The following ZFHX2 variants were observed in gnomAD, a reference collection of about 807,000 sequenced individuals.
The protein encoded by ZFHX2 is zinc finger homeobox protein 2.
In ZFHX2, 75 loss-of-function variants were observed where a neutral mutation model predicts 164.8. The ratio of observed to expected loss-of-function variants is 0.46; its 90% confidence interval spans 0.38 to 0.55. The LOEUF is 0.55. Among genes scored for constraint, ZFHX2 ranks in the 20% least tolerant of loss-of-function variants. ZFHX2 has a pLI of 0.00. For synonymous variants in ZFHX2, 1,217 were observed against 1,351.4 expected, an observed-to-expected ratio of 0.90 and a Z score of 2.18; for missense variants, 2,933 against 3,308.0, an observed-to-expected ratio of 0.89 and a Z score of 2.78.
intron 4 of ZFHX2, 58 bp from the exon 5 acceptor site, chr14:23,530,252 C>A: frequency 7.6e-7 from 1 of 1,314,342 alleles, no homozygotes; most frequent in Non-Finnish European, 1.1e-6. Context: ...GAAGGGAGGA[C>A]ATAGGACAGA....
Position 23,524,149 on chromosome 14 carries a change from C to T in ZFHX2, c.5793G>A (p.Pro1931=), listed in dbSNP as rs199545553. 11 of 1,535,890 alleles carry T rather than the reference C, an allele frequency of 7.2e-6. No individual in the cohort carries two copies. In the East Asian group the frequency reaches 9.8e-5, roughly 14 times the overall value. ...AGGATGCAGGGGTGGCTGTGGCAGGCGGTTTCACTGCTGGACTAGGCACCC... is the reference window on the plus strand; with the variant it reads ...AGGATGCAGGGGTGGCTGTGGCAGGTGGTTTCACTGCTGGACTAGGCACCC... ...PGGVPSPAVK[P]PATATPASLP... Residue 1931 remains proline, a synonymous_variant, in exon 9 of 10, where the codon CCG becomes CCA. Transcript: ENST00000419474. This position sits in a 1 kb window ranked among gnomAD's most constrained non-coding sequence, Gnocchi z 5.6.
chr14:23,527,639 C>T lies in ZFHX2; in HGVS notation c.3100G>A (p.Val1034Met), dbSNP rs768651118. The T allele has an allele frequency of 1.5e-5, 23 of 1,536,538 alleles. No individual in the cohort carries two copies. The South Asian group carries it at 1.5e-4, about 10-fold the overall frequency. The change falls in exon 7 of 10, where the codon GTG (valine) becomes ATG (methionine). Residue 1034 changes from valine to methionine, a missense_variant. Physicochemically the swap from Val to Met is conservative, Grantham distance 21. Coordinates refer to ENST00000419474, the MANE Select transcript of ZFHX2 (RefSeq NM_033400.3). ...LHFHLSHLHN[V>M]VPECVEKLLL... The stretch of plus-strand genomic sequence containing the variant: ...AGCTTCTCAACGCACTCGGGCACCA[C>T]GTTGTGAAGGTGGCTAAGGTGGAAG...
Position 23,529,360 on chromosome 14 carries a change from G to A in ZFHX2, c.2934+350C>T, listed in dbSNP as rs190976534. 5 of 274,126 alleles carry A rather than the reference G, an allele frequency of 1.8e-5. No homozygotes were observed. The East Asian group carries it at 3.9e-4, about 22-fold the overall frequency. 17.0% of individuals were successfully genotyped at this position (274,126 alleles called of 1,614,324 possible). ...CTTGTCTTTCTGCTCCTAACTAAGG[G>A]ATAAAGAGCTGGGCAGTAGCTGGTT... On this transcript the variant is annotated intron_variant, in intron 6 of 9. Transcript: ENST00000419474.
chr14:23,530,245 G>A (rs1489432635), intron 4 of ZFHX2, 51 bp from the exon 5 acceptor site: 8 of 1,370,156 alleles, frequency 5.8e-6, no homozygotes, highest in Non-Finnish European at 8.0e-6. Flanking sequence ...CATCAGGGAA[G>A]GGAGGACATA....
rs1038218129 is a variant in ZFHX2, at chr14:23,546,924, A to C, written c.-50+4419T>G. ...TGCCCTGGCCTTGCTTATTATAGCC[A>C]GACTGTCCTCCAGCACTCCCAGCTC... On this transcript the variant is annotated intron_variant, in intron 1 of 9. Transcript: ENST00000419474. This position sits in a 1 kb window ranked among gnomAD's most constrained non-coding sequence, Gnocchi z 4.7. Among the ~76,000 whole-genome samples, 1 of 152,144 alleles carries C rather than the reference A, an allele frequency of 6.6e-6. No individual in the cohort carries two copies. The highest frequency in any genetic ancestry group is 1.5e-5 in the Non-Finnish European group (1 of 68,000).
chr14:23,530,294 A>G, intron 4 of ZFHX2, 100 bp from the exon 5 acceptor site: 2 of 923,490 alleles, frequency 2.2e-6, no homozygotes, highest in Non-Finnish European at 3.4e-6. Context: ...TCAATGAAGG[A>G]GAAAATGGAT....
intron 3 of ZFHX2, chr14:23,531,960 C>T (rs1387156816): frequency 1.9e-5 from 7 of 365,560 alleles, no homozygotes; most frequent in Admixed American, 5.0e-5. Flanking sequence ...ATTTTTAGTA[C>T]AGATGGGGTT....
Position 23,525,941 on chromosome 14 carries a change from C to A in ZFHX2, c.4001G>T (p.Arg1334Leu). ...SPPPPPLDLH[R>L]FPAPLFTPPV... ...TGGGGTGAAGAGAGGGGCTGGGAATCGGTGCAGGTCCAAGGGAGGTGGGGG... is the reference window on the plus strand; with the variant it reads ...TGGGGTGAAGAGAGGGGCTGGGAATAGGTGCAGGTCCAAGGGAGGTGGGGG... Residue 1334 changes from arginine (R) to leucine (L), a missense_variant, in exon 9 of 10, where the codon CGA becomes CTA. Coordinates refer to ENST00000419474, the MANE Select transcript of ZFHX2 (RefSeq NM_033400.3). The surrounding 1 kb of genome is among the most constrained non-coding windows in gnomAD (Gnocchi z 5.9). The A allele has an allele frequency of 6.8e-7, 1 of 1,464,394 alleles. No homozygotes were observed. The highest frequency in any genetic ancestry group is 9.0e-7 in the Non-Finnish European group (1 of 1,112,516). 90.7% of individuals were successfully genotyped at this position (1,464,394 alleles called of 1,614,324 possible). A position where few individuals can be genotyped will look rare whatever the true frequency, so the allele number is the denominator to read the frequency against.
rs1345850529 is a variant in ZFHX2 at position 23,546,548 on chromosome 14, A to T, written c.-50+4795T>A. 6.6e-6 allele frequency among the ~76,000 whole-genome samples: 1 copy of T among 151,924 alleles called. No individual in the cohort carries two copies. The highest frequency in any genetic ancestry group is 1.5e-5 in the Non-Finnish European group (1 of 67,984). On this transcript the variant is annotated intron_variant, in intron 1 of 9. Transcript: ENST00000419474. This position sits in a 1 kb window ranked among gnomAD's most constrained non-coding sequence, Gnocchi z 4.7. ...GTTCCTACATGAGGAAGCCACTGAG[A>T]GCCCATGGGATTACCCTACGGGGCT...
intron 3 of ZFHX2, 184 bp from the exon 4 acceptor site, chr14:23,531,905 T>C (rs925518517): frequency 5.3e-6 from 4 of 751,760 alleles, no homozygotes; most frequent in Non-Finnish European, 5.4e-6. Flanking sequence ...GCCTCCCGAG[T>C]AGCTGGGATT....
Position 23,534,145 on chromosome 14 carries a change from G to A in ZFHX2, c.1181C>T (p.Pro394Leu). The A allele has an allele frequency of 3.4e-6, 5 of 1,473,520 alleles. No individual in the cohort carries two copies. The highest frequency in any genetic ancestry group is 4.5e-6 in the Non-Finnish European group (5 of 1,116,142). 91.3% of individuals were successfully genotyped at this position (1,473,520 alleles called of 1,614,324 possible). The change falls in exon 2 of 10, where the codon CCC (proline) becomes CTC (leucine). Residue 394 changes from proline to leucine, a missense_variant. Transcript: ENST00000419474. This position sits in a 1 kb window ranked among gnomAD's most constrained non-coding sequence, Gnocchi z 4.5. ...GAGAGTGCCCCCCTCCTTGGAGGTG[G>A]GTGAGCTTTGGTTGAGTGGGGGGCA... ...GLCPPLNQSS[P>L]TSKEGGTLPA...
rs1429761764 is a variant in ZFHX2, at chr14:23,532,617, G to T, written c.2509C>A (p.Gln837Lys). 3.1e-5 allele frequency: 45 copies of T among 1,458,528 alleles called. No homozygotes were observed. The highest frequency in any genetic ancestry group is 4.0e-5 in the Non-Finnish European group (44 of 1,107,534). 90.3% of individuals were successfully genotyped at this position (1,458,528 alleles called of 1,614,324 possible). ...TGGGCTGCACCCCTGGCATGCAGCT[G>T]CATCTTCTCCTTGCTGTTGGACTCA... is the stretch of plus-strand genomic sequence containing the variant. Reference protein sequence around the residue: ...DFESNSKEKMQLHARGAAHEE... With the variant: ...DFESNSKEKMKLHARGAAHEE... The change falls in exon 3 of 10, where the codon CAG becomes AAG. Residue 837 changes from glutamine to lysine, a missense_variant. Transcript: ENST00000419474.
At position 23,524,396 on chromosome 14, in the gene ZFHX2, C is replaced by T. The variant is rs1383736485; in HGVS notation, c.5546G>A (p.Gly1849Glu). The change falls in exon 9 of 10, where the codon GGA becomes GAA. Residue 1849 changes from glycine to glutamate, a missense_variant. Physicochemically the swap from Gly to Glu is moderately conservative, Grantham distance 98 (BLOSUM62 -2). Transcript: ENST00000419474. The surrounding 1 kb of genome is among the most constrained non-coding windows in gnomAD (Gnocchi z 5.6). ...GTCCCTGGGGGGCTCGCCCTCCCCTCCTCCCCCTGCTTCACTGCCTGTGGG... is the reference window on the plus strand; with the variant it reads ...GTCCCTGGGGGGCTCGCCCTCCCCTTCTCCCCCTGCTTCACTGCCTGTGGG... ...LSPTGSEAGG[G>E]GEGEPPRDKR... 10 of 1,536,204 alleles carry T rather than the reference C, an allele frequency of 6.5e-6. No individual in the cohort carries two copies. The Middle Eastern group carries it at 6.7e-4, about 103-fold the overall frequency.
At position 23,525,519 on chromosome 14, in the gene ZFHX2, C is replaced by T. The variant is rs773592394; in HGVS notation, c.4423G>A (p.Gly1475Arg). The change falls in exon 9 of 10, where the codon GGG (glycine) becomes AGG (arginine). Residue 1475 changes from glycine (G) to arginine (R), a missense_variant. Coordinates refer to ENST00000419474, the MANE Select transcript of ZFHX2 (RefSeq NM_033400.3). The surrounding 1 kb of genome is among the most constrained non-coding windows in gnomAD (Gnocchi z 5.9). ...CCACAGGCCAGCTTGTCCCCACCCC[C>T]GAGGGCCTCAGGTGGGGGTGGGGTA... is the stretch of plus-strand genomic sequence containing the variant. ...PPTPPPPEAL[G>R]GGDKLACGAC... The T allele has an allele frequency of 2.3e-5, 36 of 1,535,436 alleles. No individual in the cohort carries two copies. Among genetic ancestry groups the T allele is most frequent in the South Asian group, 6.0e-5 (5 of 84,030 alleles).
In ZFHX2 at chr14:23,524,521, C is replaced by T; in HGVS notation, c.5421G>A (p.Leu1807=). The T allele has an allele frequency of 6.6e-7, 1 of 1,525,986 alleles. No individual in the cohort carries two copies. Among genetic ancestry groups the T allele is most frequent in the South Asian group, 1.2e-5 (1 of 81,910 alleles). 94.5% of individuals were successfully genotyped at this position (1,525,986 alleles called of 1,614,324 possible). The part of the protein sequence containing the change: ...QPSAPPQLLD[L]PLLVFGERNP... ...TTCTCTCCCCAAACACCAGCAAGGG[C>T]AGATCTAGGAGTTGGGGGGGAGCAC... Residue 1807 remains leucine (L), a synonymous_variant, in exon 9 of 10, where the codon CTG becomes CTA. Transcript: ENST00000419474. This position sits in a 1 kb window ranked among gnomAD's most constrained non-coding sequence, Gnocchi z 5.6.
Position 23,523,374 on chromosome 14 carries a change from C to T in ZFHX2, c.6568G>A (p.Asp2190Asn), listed in dbSNP as rs1196947999. 1.1e-5 allele frequency: 17 copies of T among 1,489,400 alleles called. No individual in the cohort carries two copies. The highest frequency in any genetic ancestry group is 2.8e-5 in the African/African-American group (2 of 72,082). 92.3% of individuals were successfully genotyped at this position (1,489,400 alleles called of 1,614,324 possible). ...AQLKSESKCY[D>N]LAPAPEAPPA... Reference sequence around the variant, plus strand: ...GGAGCCTCAGGTGCTGGGGCCAAGTCGTAGCACTTGCTTTCACTCTTCAGC... The same window carrying T: ...GGAGCCTCAGGTGCTGGGGCCAAGTTGTAGCACTTGCTTTCACTCTTCAGC... Residue 2190 changes from aspartate (D) to asparagine (N), a missense_variant, in exon 9 of 10, where the codon GAC (aspartate) becomes AAC (asparagine). Asp to Asn is a conservative substitution (Grantham distance 23). Coordinates refer to ENST00000419474, the MANE Select transcript of ZFHX2 (RefSeq NM_033400.3). This position sits in a 1 kb window ranked among gnomAD's most constrained non-coding sequence, Gnocchi z 4.1.
Position 23,526,537 on chromosome 14 carries a change from G to A in ZFHX2, c.3405C>T (p.Ala1135=). Residue 1135 remains alanine (A), a synonymous_variant, in exon 9 of 10, where the codon GCC becomes GCT. Coordinates refer to ENST00000419474, the MANE Select transcript of ZFHX2 (RefSeq NM_033400.3). ...PAPSPVPEPD[A]QAEDVAPPPT... ...GCGGAGGAGCTACGTCTTCAGCTTG[G>A]GCATCAGGTTCAGGGACTGGAGATG... The A allele has an allele frequency of 6.5e-7, 1 of 1,535,898 alleles. No homozygotes were observed. The highest frequency in any genetic ancestry group is 8.7e-7 in the Non-Finnish European group (1 of 1,146,840).
In ZFHX2 at chr14:23,523,412, G is replaced by C. The variant is rs932773468; in HGVS notation, c.6530C>G (p.Ala2177Gly). 6.5e-6 allele frequency: 10 copies of C among 1,527,508 alleles called. No homozygotes were observed. Among genetic ancestry groups the C allele is most frequent in the Non-Finnish European group, 8.8e-6 (10 of 1,142,484 alleles). The allele number at this position is 1,527,508 out of a possible 1,614,324, so 94.6% of individuals were successfully genotyped here. A position where few individuals can be genotyped will look rare whatever the true frequency, so the allele number is the denominator to read the frequency against. The change falls in exon 9 of 10, where the codon GCG becomes GGG. Residue 2177 changes from alanine to glycine, a missense_variant. Coordinates refer to ENST00000419474, the MANE Select transcript of ZFHX2 (RefSeq NM_033400.3). The surrounding 1 kb of genome is among the most constrained non-coding windows in gnomAD (Gnocchi z 4.1). ...SRQHLAKLKE[A>G]VRAQLKSESK... ...TTCACTCTTCAGCTGGGCTCGAACC[G>C]CCTCCTTGAGCTTGGCCAGGTGCTG...
At chr14:23,536,212 C>T (rs777545157) in intron 1 of ZFHX2, among the ~76,000 whole-genome samples, 1 of 152,220 alleles carries the variant, frequency 6.6e-6, no homozygotes, top group African/African-American at 2.4e-5. Context: ...TATTTTCTCT[C>T]CATCCAGCAG....
Sources: allele counts gnomAD v4.1 joint callset (sites outside exome capture counted in the v4.1 genomes callset), GRCh38; gene constraint gnomAD v4.1.1; non-coding constraint Gnocchi (gnomAD v3.1); transcripts MANE v1.5; gene names NCBI Gene and HGNC (gene_info 2026-07-23, HGNC 2026-07-21).